SLX4: variants seen among roughly 807,000 people sequenced by gnomAD.
SLX4 encodes the protein SLX4 structure-specific endonuclease subunit, also known as structure-specific endonuclease subunit SLX4.
SLX4 carries 112 observed loss-of-function variants against 146.2 expected under a neutral mutation model. The ratio of observed to expected loss-of-function variants is 0.77; its 90% CI spans 0.66 to 0.90. SLX4 has a LOEUF of 0.90. Ranked by LOEUF, SLX4 falls within the 40% of genes least tolerant of loss-of-function variation. The pLI is 0.00. For missense variants in SLX4, 2,563 were observed against 2,392.7 expected, an observed-to-expected ratio of 1.07 and a Z score of -1.49; for synonymous variants, 1,061 against 997.7, an observed-to-expected ratio of 1.06 and a Z score of -1.20.
At chr16:3,606,268 G>T (rs1232546307) in intron 3 of SLX4, among the ~76,000 whole-genome samples, 1 of 151,976 alleles carries the variant, frequency 6.6e-6, no homozygotes, top group Admixed American at 6.6e-5. Context: ...AAAACAAAAC[G>T]GTACCTTATC....
rs147054810 is a variant in SLX4 at position 3,593,444 on chromosome 16, C to G, written c.2161-579G>C. ...TGTTGTTCAGGCTGGTCTTGAACTCCTGGCCTCAAGCGATCCTCCCACCTT... is the reference window on the plus strand; with the variant it reads ...TGTTGTTCAGGCTGGTCTTGAACTCGTGGCCTCAAGCGATCCTCCCACCTT... On this transcript the variant is annotated intron_variant, in intron 10 of 14. Coordinates refer to ENST00000294008, the MANE Select transcript of SLX4 (RefSeq NM_032444.4). 4.1e-3 allele frequency among the ~76,000 whole-genome samples: 617 copies of G among 152,320 alleles called. 3 individuals carry two copies. Among genetic ancestry groups the G allele is most frequent in the African/African-American group, 0.014 (576 of 41,566 alleles).
chr16:3,582,749 C>G, intron 14 of SLX4, 56 bp from the exon 15 acceptor site: 1 of 1,474,156 alleles, frequency 6.8e-7, no homozygotes, highest in Non-Finnish European at 9.3e-7. Context: ...GCCCCTGAGA[C>G]CATGAGCCTC....
At chr16:3,588,460 C>T (rs2040533491) in intron 12 of SLX4, among the ~76,000 whole-genome samples, 1 of 152,214 alleles carries the variant, frequency 6.6e-6, no homozygotes, top group African/African-American at 2.4e-5. Flanking sequence ...CTAGATGGAC[C>T]ACGTTTGGTT....
At chr16:3,606,733 G>C (rs780551608) in intron 2 of SLX4, 35 bp from the exon 3 acceptor site, 44 of 1,608,168 alleles carry the variant, frequency 2.7e-5, no homozygotes, top group Non-Finnish European at 3.6e-5. Flanking sequence ...ACCATCTGTT[G>C]TAGCTGGAGA....
intron 10 of SLX4, among the ~76,000 whole-genome samples, chr16:3,594,168 A>G (rs1392743017): frequency 2.0e-5 from 3 of 152,142 alleles, no homozygotes; most frequent in African/African-American, 4.8e-5. Context: ...CGCCCGGCCA[A>G]ACAATGGATT....
rs1356005252 is a variant in SLX4 at position 3,597,727 on chromosome 16, G to A, written c.1367-32C>T. The A allele has an allele frequency of 1.9e-6, 3 of 1,614,020 alleles. No individual in the cohort carries two copies. The highest frequency in any genetic ancestry group is 1.7e-6 in the Non-Finnish European group (2 of 1,179,946). ...AGAAACAAAAGCGACACCATCAACG[G>A]TGGAGTCGGTCCACTCACCCGGGAC... On this transcript the variant is annotated intron_variant, in intron 6 of 14. Coordinates refer to ENST00000294008, the MANE Select transcript of SLX4 (RefSeq NM_032444.4). The surrounding 1 kb of genome is among the most constrained non-coding windows in gnomAD (Gnocchi z 4.4).
At chr16:3,608,156 A>G (rs1436094305) in intron 2 of SLX4, among the ~76,000 whole-genome samples, 1 of 152,240 alleles carries the variant, frequency 6.6e-6, no homozygotes, top group Non-Finnish European at 1.5e-5. Flanking sequence ...CTCCAGCTCT[A>G]AATTTTTTTT....
intron 3 of SLX4, 121 bp from the exon 4 acceptor site, chr16:3,602,428 C>T (rs2040738545): frequency 2.6e-6 from 3 of 1,146,958 alleles, no homozygotes; most frequent in East Asian, 4.7e-5. Flanking sequence ...AAACCAGAAC[C>T]CAGCTCCACT....
intron 11 of SLX4, 37 bp from the exon 12 acceptor site, chr16:3,591,347 C>A: frequency 6.2e-7 from 1 of 1,604,786 alleles, no homozygotes; most frequent in Non-Finnish European, 8.5e-7. Context: ...CGCCCCTCTG[C>A]GTGGAGATGG....
In SLX4 at chr16:3,592,780, C is replaced by T. The variant is rs140109914; in HGVS notation, c.2246G>A (p.Arg749His). Residue 749 changes from arginine (R) to histidine (H), a missense_variant, in exon 11 of 15, where the codon CGC becomes CAC. Transcript: ENST00000294008. ...LLGDVSTEAA[R>H]TFLHYLYTAD... ...AGTGTAGAGATAGTGCAGGAACGTG[C>T]GGGCGGCCTCGGTGCTCACGTCACC... The T allele has an allele frequency of 2.9e-5, 47 of 1,612,712 alleles. No individual in the cohort carries two copies. Among genetic ancestry groups the T allele is most frequent in the East Asian group, 4.5e-5 (2 of 44,858 alleles).
chr16:3,608,092 C>T (rs755705387), intron 2 of SLX4, among the ~76,000 whole-genome samples: 1 of 152,062 alleles, frequency 6.6e-6, no homozygotes, highest in Non-Finnish European at 1.5e-5. Flanking sequence ...GGCTGAGGCA[C>T]GAGGATTGCT....
At chr16:3,592,961 TTTTA>T in intron 10 of SLX4, 96 bp from the exon 11 acceptor site, 2 of 1,305,040 alleles carry the variant, frequency 1.5e-6, no homozygotes, top group South Asian at 3.0e-5. Context: ...TCACTAGTCT[TTTTA>T]TTTTTCTTTT....
At chr16:3,585,096 C>G (rs536610959) in intron 12 of SLX4, among the ~76,000 whole-genome samples, 1 of 152,110 alleles carries the variant, frequency 6.6e-6, no homozygotes, top group Admixed American at 6.6e-5. Flanking sequence ...AACACGGGTG[C>G]CGGGTGAACA....
intron 2 of SLX4, 31 bp from the exon 3 acceptor site, chr16:3,606,729 T>G (rs747445472): frequency 1.3e-4 from 205 of 1,607,942 alleles, no homozygotes; most frequent in Non-Finnish European, 1.6e-4. Flanking sequence ...CACAACCATC[T>G]GTTGTAGCTG....
chr16:3,588,518 C>T (rs570784661), intron 12 of SLX4, among the ~76,000 whole-genome samples: 18 of 152,296 alleles, frequency 1.2e-4, no homozygotes, highest in African/African-American at 2.6e-4. Flanking sequence ...CAGCTTTTGG[C>T]GATTGTGAAC....
At chr16:3,598,867 C>A (rs1205833708) in intron 5 of SLX4, among the ~76,000 whole-genome samples, 2 of 152,214 alleles carry the variant, frequency 1.3e-5, no homozygotes, top group Non-Finnish European at 2.9e-5. Context: ...CCTCCTCACT[C>A]CCCAGCAGGC....
At position 3,591,094 on chromosome 16, in the gene SLX4, T is replaced by A; in HGVS notation, c.2544A>T (p.Glu848Asp). Reference protein sequence around the residue: ...DHEEDQENVNEAEMEEIYEFA... With the variant: ...DHEEDQENVNDAEMEEIYEFA... ...ATTCATAAATTTCTTCCATTTCTGCTTCATTCACGTTTTCTTGATCTTCTT... is the reference window on the plus strand; with the variant it reads ...ATTCATAAATTTCTTCCATTTCTGCATCATTCACGTTTTCTTGATCTTCTT... Residue 848 changes from glutamate to aspartate, a missense_variant, in exon 12 of 15, where the codon GAA (glutamate) becomes GAT (aspartate). Transcript: ENST00000294008. 1 of 1,614,228 alleles carries A rather than the reference T, an allele frequency of 6.2e-7. No homozygotes were observed. Among genetic ancestry groups the A allele is most frequent in the Non-Finnish European group, 8.5e-7 (1 of 1,180,046 alleles).
chr16:3,608,279 C>T (rs1429407529), intron 2 of SLX4, 151 bp downstream of exon 2: 1 of 823,984 alleles, frequency 1.2e-6, no homozygotes, highest in Non-Finnish European at 2.1e-6. Flanking sequence ...CATGCCTGTT[C>T]ATTTACATAT....
rs760130201 is a variant in SLX4, at chr16:3,596,534, G to A, written c.1684-141C>T. On this transcript the variant is annotated intron_variant, in intron 7 of 14. Coordinates refer to ENST00000294008, the MANE Select transcript of SLX4 (RefSeq NM_032444.4). The stretch of plus-strand genomic sequence containing the variant: ...GGCTGTGGGGACAGACTGTCCCCGG[G>A]GCTCCAGCCACAGCCTGGAGCAGTC... 5.8e-6 allele frequency: 6 copies of A among 1,032,212 alleles called. No homozygotes were observed. The South Asian group carries it at 8.6e-5, about 15-fold the overall frequency. 63.9% of individuals were successfully genotyped at this position (1,032,212 alleles called of 1,614,324 possible).
Sources: allele counts gnomAD v4.1 joint callset (sites outside exome capture counted in the v4.1 genomes callset), GRCh38; gene constraint gnomAD v4.1.1; non-coding constraint Gnocchi (gnomAD v3.1); transcripts MANE v1.5; gene names NCBI Gene and HGNC (gene_info 2026-07-23, HGNC 2026-07-21).